BANK1: variants seen among roughly 807,000 people sequenced by gnomAD.
BANK1 encodes B cell scaffold protein with ankyrin repeats 1.
BANK1 carries 95 observed loss-of-function variants against 94.5 expected under a neutral mutation model. The ratio of observed to expected loss-of-function variants is 1.00; its 90% CI spans 0.85 to 1.19. The LOEUF is 1.19. Ranked by LOEUF, BANK1 falls within the 50% of genes most tolerant of loss-of-function variation. The pLI, the probability that BANK1 is intolerant of heterozygous loss-of-function variation, is 0.00. For missense variants in BANK1, 987 were observed against 932.2 expected (o/e 1.06, Z -0.77); for synonymous variants, 334 against 308.4 (o/e 1.08, Z -0.87).
At chr4:101,900,614 G>A (rs375242629) in intron 6 of BANK1, among the ~76,000 whole-genome samples, 105 of 152,186 alleles carry the variant, frequency 6.9e-4, no homozygotes, top group African/African-American at 2.4e-3. Flanking sequence ...CTGATAGATT[G>A]CAGATGAAGG....
At chr4:101,959,071 A>C (rs1724473637) in intron 7 of BANK1, among the ~76,000 whole-genome samples, 1 of 152,212 alleles carries the variant, frequency 6.6e-6, no homozygotes, top group Admixed American at 6.5e-5. Flanking sequence ...CCTTATTTCC[A>C]GCTGAAGATG....
intron 7 of BANK1, among the ~76,000 whole-genome samples, chr4:101,931,818 G>T (rs1723356370): frequency 6.6e-6 from 1 of 151,440 alleles, no homozygotes. Context: ...ATATTGACAT[G>T]GAGAGAGGGC....
chr4:101,900,560 G>T (rs34321727), intron 6 of BANK1, among the ~76,000 whole-genome samples: 51,967 of 151,968 alleles, frequency 0.34, 9,171 homozygotes, highest in African/African-American at 0.38. Context: ...GAAGAGATTT[G>T]CTTGAGCTTG....
At chr4:102,053,010 A>T (rs1728102661) in intron 11 of BANK1, among the ~76,000 whole-genome samples, 1 of 152,244 alleles carries the variant, frequency 6.6e-6, no homozygotes, top group East Asian at 1.9e-4. Context: ...TAAAGTTTCA[A>T]CAGCAAATTA....
intron 7 of BANK1, among the ~76,000 whole-genome samples, chr4:101,944,482 C>T (rs1037581020): frequency 6.6e-6 from 1 of 151,900 alleles, no homozygotes. Context: ...TTAAACATCA[C>T]TTTCTCTGAC....
At chr4:101,991,016 A>G in intron 7 of BANK1, among the ~76,000 whole-genome samples, 1 of 152,212 alleles carries the variant, frequency 6.6e-6, no homozygotes, top group South Asian at 2.1e-4. Flanking sequence ...GTAAGGTACC[A>G]TGCTGGGAGT....
chr4:101,840,807 T>G (rs1412560198), intron 2 of BANK1, among the ~76,000 whole-genome samples: 6 of 152,160 alleles, frequency 3.9e-5, no homozygotes, highest in Non-Finnish European at 8.8e-5. Flanking sequence ...CTTGAAATCC[T>G]CTAGCACCTC....
At chr4:101,792,469 G>GT (rs5860691) in intron 1 of BANK1, among the ~76,000 whole-genome samples, 56 of 97,602 alleles carry the variant, frequency 5.7e-4, no homozygotes, top group African/African-American at 1.2e-3. Flanking sequence ...GTGTGTGTGT[G>GT]TTTTTTTTTT....
chr4:101,950,018 G>GGTGTGTAT (rs1553935087), intron 7 of BANK1, among the ~76,000 whole-genome samples: 1 of 149,304 alleles, frequency 6.7e-6, no homozygotes, highest in East Asian at 2.0e-4. Flanking sequence ...GGAAGTAAGG[G>GGTGTGTAT]GTGTGTGTGT....
chr4:101,856,146 T>C (rs990684996), intron 3 of BANK1, among the ~76,000 whole-genome samples: 4 of 152,118 alleles, frequency 2.6e-5, no homozygotes, highest in Admixed American at 2.6e-4. Flanking sequence ...CCAGTGGTCC[T>C]GATGGAGGTG....
intron 10 of BANK1, among the ~76,000 whole-genome samples, chr4:102,035,551 G>C (rs1383968685): frequency 6.6e-6 from 1 of 151,714 alleles, no homozygotes; most frequent in African/African-American, 2.4e-5. Flanking sequence ...GGGAGGCTGA[G>C]GCAGGAGAAT....
chr4:101,901,705 C>T (rs1260672015), intron 6 of BANK1, among the ~76,000 whole-genome samples: 1 of 152,082 alleles, frequency 6.6e-6, no homozygotes, highest in African/African-American at 2.4e-5. Flanking sequence ...AAAAAGCAAA[C>T]AAGGCTTGAA....
At chr4:101,797,082 A>T (rs1053921228) in intron 1 of BANK1, among the ~76,000 whole-genome samples, 22 of 152,160 alleles carry the variant, frequency 1.4e-4, no homozygotes, top group African/African-American at 4.3e-4. Context: ...TTTTTCTGCA[A>T]TGGAGTAGAA....
chr4:101,847,198 AGTGT>A (rs10542109), intron 2 of BANK1, among the ~76,000 whole-genome samples: 10,524 of 147,664 alleles, frequency 0.071, 622 homozygotes, highest in East Asian at 0.17. Flanking sequence ...GGGTTGGCAG[AGTGT>A]GTGTGTGTGT....
At chr4:101,983,249 A>C (rs1224811612) in intron 7 of BANK1, among the ~76,000 whole-genome samples, 1 of 152,088 alleles carries the variant, frequency 6.6e-6, no homozygotes, top group Non-Finnish European at 1.5e-5. Context: ...TCTCAAATAC[A>C]GCACTGACAT....
Position 101,982,830 on chromosome 4 carries a change from A to G in BANK1, c.1207-38684A>G, listed in dbSNP as rs1725365617. Among the ~76,000 whole-genome samples the G allele has an allele frequency of 3.3e-5, 5 of 151,932 alleles. No individual in the cohort carries two copies. In the South Asian group the frequency reaches 1.0e-3, roughly 32 times the overall value. ...AAAATGCCGCCCAACCAATGCATCA[A>G]GTTAAACCGGTTTTACATATTTAAT... On this transcript the variant is annotated intron_variant, in intron 7 of 16. Transcript: ENST00000322953.
chr4:101,849,705 A>C lies in BANK1; in HGVS notation c.470-5330A>C, dbSNP rs146040298. On this transcript the variant is annotated intron_variant, in intron 2 of 16. Coordinates refer to ENST00000322953, the MANE Select transcript of BANK1 (RefSeq NM_017935.5). ...GATTATGTCTATCTAATTACCTTCT[A>C]AACTATTTAAAGCTTATATAAAAAG... is the stretch of plus-strand genomic sequence containing the variant. 1.6e-4 allele frequency among the ~76,000 whole-genome samples: 24 copies of C among 152,272 alleles called. No individual in the cohort carries two copies. The East Asian group carries it at 4.6e-3, about 29-fold the overall frequency.
chr4:102,071,289 G>A lies in BANK1; in HGVS notation c.2227G>A (p.Val743Met). The A allele has an allele frequency of 6.2e-7, 1 of 1,613,870 alleles. No homozygotes were observed. The highest frequency in any genetic ancestry group is 8.5e-7 in the Non-Finnish European group (1 of 1,179,856). Residue 743 changes from valine (V) to methionine (M), a missense_variant, in exon 14 of 17, where the codon GTG becomes ATG. Val to Met is a conservative substitution (Grantham distance 21, BLOSUM62 1). Transcript: ENST00000322953. ...TTGTCTTCCAGATAAACTCACCATT[G>A]TGCACCATCCAGGTGGTAAGTGCTT... is the stretch of plus-strand genomic sequence containing the variant. ...EENVYNKLTI[V>M]HHPGGKETAH...
At chr4:101,841,000 T>A (rs1727026136) in intron 2 of BANK1, among the ~76,000 whole-genome samples, 1 of 152,198 alleles carries the variant, frequency 6.6e-6, no homozygotes, top group Non-Finnish European at 1.5e-5. Flanking sequence ...CTAATTTTTT[T>A]ATTTTTAGTA....
Sources: gnomAD v4.1 joint callset for allele counts (sites outside exome capture counted in the v4.1 genomes callset) on GRCh38, gnomAD v4.1.1 for gene constraint, MANE v1.5 for transcripts, NCBI Gene and HGNC (gene_info 2026-07-23, HGNC 2026-07-21) for gene names.